The following KCNQ5 variants were observed in gnomAD, a reference collection of about 807,000 sequenced individuals.
KCNQ5 encodes the protein potassium voltage-gated channel subfamily KQT member 5.
Under a neutral mutation model 98.2 loss-of-function variants are expected in KCNQ5, and 30 were observed. The ratio of observed to expected loss-of-function variants is 0.31; its 90% CI spans 0.23 to 0.41. The LOEUF (loss-of-function observed/expected upper bound fraction) is 0.41, where lower values mean the gene tolerates loss of function less well. KCNQ5 is among the 10% of genes least tolerant of loss of function. The pLI is 1.00. For synonymous variants in KCNQ5, 458 were observed against 449.4 expected, an observed-to-expected ratio of 1.02 and a Z score of -0.24; for missense variants, 835 against 1,182.5, an observed-to-expected ratio of 0.71 and a Z score of 4.31.
rs553779833 is a variant in KCNQ5, at chr6:73,015,404, T to C, written c.489+11406T>C. Among the ~76,000 whole-genome samples the C allele has an allele frequency of 5.3e-5, 8 of 152,232 alleles. No individual in the cohort carries two copies. In the South Asian group the frequency reaches 1.7e-3, roughly 32 times the overall value. ...CCTTAACAGAAGGATAATAACATAGTAAGTTGCCCCATAAAAAGTATTTCA... is the reference window on the plus strand; with the variant it reads ...CCTTAACAGAAGGATAATAACATAGCAAGTTGCCCCATAAAAAGTATTTCA... On this transcript the variant is annotated intron_variant, in intron 2 of 13. Transcript: ENST00000370398.
chr6:72,773,330 A>G (rs1385237906), intron 1 of KCNQ5, among the ~76,000 whole-genome samples: 2 of 152,182 alleles, frequency 1.3e-5, no homozygotes, highest in Non-Finnish European at 2.9e-5. Context: ...TGTCCTGTGC[A>G]GGGACATGGA....
At chr6:73,018,899 G>A (rs1770466910) in intron 2 of KCNQ5, among the ~76,000 whole-genome samples, 1 of 152,140 alleles carries the variant, frequency 6.6e-6, no homozygotes, top group Non-Finnish European at 1.5e-5. Flanking sequence ...TTGAAGGAAT[G>A]CAGTACTGCC....
chr6:72,794,485 T>C (rs148150358), intron 1 of KCNQ5, among the ~76,000 whole-genome samples: 66 of 152,334 alleles, frequency 4.3e-4, no homozygotes, highest in Non-Finnish European at 8.2e-4. Flanking sequence ...TTGTCATTTT[T>C]CAAGTGTTGG....
chr6:73,125,758 C>T (rs1775956029), intron 9 of KCNQ5, among the ~76,000 whole-genome samples: 1 of 152,118 alleles, frequency 6.6e-6, no homozygotes, highest in African/African-American at 2.4e-5. Context: ...ATAGGATATA[C>T]AACATCAGGC....
At chr6:72,852,993 A>G (rs1777347304) in intron 1 of KCNQ5, among the ~76,000 whole-genome samples, 1 of 152,116 alleles carries the variant, frequency 6.6e-6, no homozygotes, top group South Asian at 2.1e-4. Flanking sequence ...AAGTATTTAT[A>G]CCATGGAAAA....
At chr6:73,020,377 A>G (rs1770545508) in intron 2 of KCNQ5, among the ~76,000 whole-genome samples, 1 of 152,112 alleles carries the variant, frequency 6.6e-6, no homozygotes, top group Non-Finnish European at 1.5e-5. Context: ...ATTATAAAGG[A>G]TATTACAAAG....
chr6:73,129,882 T>C lies in KCNQ5; in HGVS notation c.1248-3539T>C. 5 of 1,581,722 alleles carry C rather than the reference T, an allele frequency of 3.2e-6. No homozygotes were observed. In the South Asian group the frequency reaches 5.6e-5, roughly 18 times the overall value. Reference sequence around the variant, plus strand: ...GCATCCGGGCTATTGACATGAGATTTGAGAATGCCAACTAACCTCAGGTGC... The same window carrying C: ...GCATCCGGGCTATTGACATGAGATTCGAGAATGCCAACTAACCTCAGGTGC... On this transcript the variant is annotated intron_variant, in intron 9 of 13. Transcript: ENST00000370398.
Position 72,992,699 on chromosome 6 carries a change from A to G in KCNQ5, c.399-11209A>G, listed in dbSNP as rs1297579622. Among the ~76,000 whole-genome samples the G allele has an allele frequency of 4.7e-5, 4 of 84,652 alleles. 1 individual carries two copies. The highest frequency in any genetic ancestry group is 2.5e-4 in the African/African-American group (4 of 16,158). The allele number at this position is 84,652 out of a possible 152,430, so 55.5% of individuals were successfully genotyped here. A position where few individuals can be genotyped will look rare whatever the true frequency, so the allele number is the denominator to read the frequency against. ...TGTTATGTGTGAATTTGATCCTGTC[A>G]TTATGATGTTAGCTGGTGATTTTGC... is the stretch of plus-strand genomic sequence containing the variant. On this transcript the variant is annotated intron_variant, in intron 1 of 13. Coordinates refer to ENST00000370398, the MANE Select transcript of KCNQ5 (RefSeq NM_019842.4).
intron 1 of KCNQ5, among the ~76,000 whole-genome samples, chr6:72,917,072 T>C (rs931963499): frequency 6.6e-6 from 1 of 152,212 alleles, no homozygotes; most frequent in Admixed American, 6.5e-5. Context: ...GAATGAGTTC[T>C]ATGTCCCAGA....
At chr6:72,955,437 T>C (rs1280009526) in intron 1 of KCNQ5, among the ~76,000 whole-genome samples, 1 of 152,242 alleles carries the variant, frequency 6.6e-6, no homozygotes, top group Non-Finnish European at 1.5e-5. Context: ...TCTGGTAATT[T>C]TGTTCTTTTG....
chr6:72,746,917 G>A (rs1380237903), intron 1 of KCNQ5, among the ~76,000 whole-genome samples: 1 of 152,052 alleles, frequency 6.6e-6, no homozygotes, highest in African/African-American at 2.4e-5. Flanking sequence ...ATTCTATCTA[G>A]CAGAACTGCA....
chr6:73,175,828 G>C (rs772690244), intron 11 of KCNQ5, among the ~76,000 whole-genome samples: 1 of 151,674 alleles, frequency 6.6e-6, no homozygotes, highest in African/African-American at 2.4e-5. Flanking sequence ...TGACAGGACG[G>C]TTTGGGCCAA....
chr6:73,180,569 G>A (rs950941998), intron 11 of KCNQ5, among the ~76,000 whole-genome samples: 1 of 152,082 alleles, frequency 6.6e-6, no homozygotes, highest in Non-Finnish European at 1.5e-5. Context: ...TGAGAGCAGG[G>A]ATTGTTCCAC....
intron 3 of KCNQ5, 23 bp downstream of exon 3, chr6:73,042,085 C>A: frequency 1.2e-6 from 2 of 1,612,938 alleles, no homozygotes; most frequent in South Asian, 2.2e-5. Context: ...GTCTCAGATA[C>A]CTGGACTATG....
rs561136813 is a variant in KCNQ5, at chr6:72,674,208, A to G, written c.398+51621A>G. 2.6e-5 allele frequency among the ~76,000 whole-genome samples: 4 copies of G among 151,932 alleles called. No homozygotes were observed. The East Asian group carries it at 7.8e-4, about 29-fold the overall frequency. The stretch of plus-strand genomic sequence containing the variant: ...TGTCTATCTATCTGTCCATCATCCA[A>G]TGTTTTGATTTTTTTTTTTGGAGAA... On this transcript the variant is annotated intron_variant, in intron 1 of 13. Transcript: ENST00000370398.
At chr6:72,692,102 A>T (rs185271200) in intron 1 of KCNQ5, among the ~76,000 whole-genome samples, 116 of 152,358 alleles carry the variant, frequency 7.6e-4, no homozygotes, top group African/African-American at 2.6e-3. Context: ...AAAGGTTTTT[A>T]AAAACTTCAT....
intron 1 of KCNQ5, among the ~76,000 whole-genome samples, chr6:72,822,933 C>T (rs1308227603): frequency 6.6e-6 from 1 of 152,126 alleles, no homozygotes; most frequent in Non-Finnish European, 1.5e-5. Context: ...CACTTAGATC[C>T]CTGCTTCCAT....
At position 73,077,676 on chromosome 6, in the gene KCNQ5, A is replaced by G; in HGVS notation, c.793-86A>G. ...CCATCATAAACATCCAAGAAGTAGT[A>G]AAGTGAATAGAATCCTCATAGAATT... On this transcript the variant is annotated intron_variant, in intron 4 of 13. Coordinates refer to ENST00000370398, the MANE Select transcript of KCNQ5 (RefSeq NM_019842.4). 6 of 1,355,598 alleles carry G rather than the reference A, an allele frequency of 4.4e-6. No individual in the cohort carries two copies. The South Asian group carries it at 5.5e-5, about 12-fold the overall frequency. The allele number at this position is 1,355,598 out of a possible 1,614,324, so 84.0% of individuals were successfully genotyped here.
At chr6:73,053,771 G>A (rs949777976) in intron 3 of KCNQ5, among the ~76,000 whole-genome samples, 4 of 151,880 alleles carry the variant, frequency 2.6e-5, no homozygotes, top group African/African-American at 9.7e-5. Flanking sequence ...GTTAACAACC[G>A]AACATCACAC....
Sources: allele counts gnomAD v4.1 joint callset (sites outside exome capture counted in the v4.1 genomes callset), GRCh38; gene constraint gnomAD v4.1.1; transcripts MANE v1.5; gene names NCBI Gene and HGNC (gene_info 2026-07-23, HGNC 2026-07-21).